Variants in GPR158 observed in about 807,000 individuals in gnomAD.
GPR158 encodes G protein-coupled receptor 158.
In GPR158, 30 loss-of-function variants were observed where a neutral mutation model predicts 78.2. The ratio of observed to expected loss-of-function variants is 0.38; its 90% CI spans 0.29 to 0.52. The LOEUF (loss-of-function observed/expected upper bound fraction) is 0.52, where lower values mean the gene tolerates loss of function less well. GPR158 is among the 20% of genes least tolerant of loss of function. The pLI is 0.83. For synonymous variants in GPR158, 581 were observed against 591.1 expected (o/e 0.98, Z 0.25); for missense variants, 1,463 against 1,523.5 (o/e 0.96, Z 0.66).
chr10:25,244,733 C>A (rs1000128680), intron 2 of GPR158: 2 of 152,112 alleles, frequency 1.3e-5, no homozygotes, highest in African/African-American at 2.4e-5. Context: ...TAAACACCAT[C>A]CTGATACATA....
rs1852888328 is a variant in GPR158, at chr10:25,199,292, T to C, written c.903-21760T>C. Among the ~76,000 whole-genome samples, 3 of 152,064 alleles carry C rather than the reference T, an allele frequency of 2.0e-5. No individual in the cohort carries two copies. In the South Asian group the frequency reaches 6.2e-4, roughly 32 times the overall value. On this transcript the variant is annotated intron_variant, in intron 1 of 10. Transcript: ENST00000376351. ...AATAAGCATAGTACCTGATAGGTAGTTTTTCATTCCTCTCCCTTCTACTCA... is the reference window on the plus strand; with the variant it reads ...AATAAGCATAGTACCTGATAGGTAGCTTTTCATTCCTCTCCCTTCTACTCA...
intron 6 of GPR158, among the ~76,000 whole-genome samples, chr10:25,559,225 T>C (rs1005724138): frequency 6.6e-6 from 1 of 152,252 alleles, no homozygotes; most frequent in African/African-American, 2.4e-5. Flanking sequence ...CCATATTCTC[T>C]GCTCTGAAAT....
At chr10:25,371,890 A>C (rs1257684452) in intron 2 of GPR158, among the ~76,000 whole-genome samples, 5 of 139,458 alleles carry the variant, frequency 3.6e-5, no homozygotes, top group Admixed American at 7.2e-5. Flanking sequence ...TCTGCACAGC[A>C]AAAGAAACTA....
intron 4 of GPR158, among the ~76,000 whole-genome samples, chr10:25,413,548 A>G (rs541620399): frequency 6.6e-6 from 1 of 152,288 alleles, no homozygotes; most frequent in South Asian, 2.1e-4. Flanking sequence ...AAAGTTTCCA[A>G]CCTTTTCCAA....
At chr10:25,307,376 G>A (rs1287628681) in intron 2 of GPR158, among the ~76,000 whole-genome samples, 8 of 76,832 alleles carry the variant, frequency 1.0e-4, no homozygotes, top group Non-Finnish European at 4.9e-5. Flanking sequence ...TATTTTAATT[G>A]CTTTTTTTTT....
chr10:25,360,240 A>T (rs1588823577), intron 2 of GPR158, among the ~76,000 whole-genome samples: 1 of 152,206 alleles, frequency 6.6e-6, no homozygotes. Flanking sequence ...TTTGCTGTGC[A>T]GTTCTTTAGT....
intron 4 of GPR158, among the ~76,000 whole-genome samples, chr10:25,430,440 G>A: frequency 6.7e-6 from 1 of 149,996 alleles, no homozygotes; most frequent in Non-Finnish European, 1.5e-5. Context: ...TACTTCCCAA[G>A]GTAATTTACA....
chr10:25,389,143 C>A (rs1834260055), intron 2 of GPR158, among the ~76,000 whole-genome samples: 1 of 152,198 alleles, frequency 6.6e-6, no homozygotes, highest in Admixed American at 6.5e-5. Context: ...GGGAGGGTCC[C>A]CAGTGAAGCC....
intron 4 of GPR158, among the ~76,000 whole-genome samples, chr10:25,438,931 C>G (rs142552745): frequency 4.7e-4 from 71 of 152,218 alleles, no homozygotes; most frequent in African/African-American, 1.7e-3. Context: ...ATATGAAATT[C>G]AGATTTCAGT....
intron 2 of GPR158, among the ~76,000 whole-genome samples, chr10:25,312,742 A>G (rs1287318730): frequency 3.3e-5 from 5 of 152,140 alleles, no homozygotes; most frequent in Non-Finnish European, 7.4e-5. Flanking sequence ...AAAGCCTTAG[A>G]TTTAGTAATA....
intron 4 of GPR158, among the ~76,000 whole-genome samples, chr10:25,416,425 A>G (rs1834660951): frequency 6.6e-6 from 1 of 152,126 alleles, no homozygotes; most frequent in Non-Finnish European, 1.5e-5. Flanking sequence ...TTAGTGTGCA[A>G]ACAAAACTCA....
intron 5 of GPR158, among the ~76,000 whole-genome samples, chr10:25,475,236 C>T (rs930596762): frequency 2.0e-5 from 3 of 152,022 alleles, no homozygotes; most frequent in African/African-American, 7.2e-5. Flanking sequence ...AGACTGTGTA[C>T]TTCATGATAA....
chr10:25,369,415 A>C (rs61853585), intron 2 of GPR158, among the ~76,000 whole-genome samples: 92,384 of 142,710 alleles, frequency 0.65, 30,700 homozygotes, highest in Non-Finnish European at 0.74. Context: ...TTCTGCATCT[A>C]TTGAGATAAT....
intron 2 of GPR158, among the ~76,000 whole-genome samples, chr10:25,360,508 A>C (rs895969958): frequency 2.0e-5 from 3 of 152,064 alleles, no homozygotes; most frequent in East Asian, 1.9e-4. Flanking sequence ...TAAATAGGGA[A>C]TCCTTTCCCC....
In GPR158 at chr10:25,412,595, T is replaced by C. The variant is rs780608221; in HGVS notation, c.1335+122T>C. ...AAGCAGCAGTCTTTCTACAATATGATTGGACTAGAACATGAAAGTTATATT... is the reference window on the plus strand; with the variant it reads ...AAGCAGCAGTCTTTCTACAATATGACTGGACTAGAACATGAAAGTTATATT... On this transcript the variant is annotated intron_variant, in intron 4 of 10. Coordinates refer to ENST00000376351, the MANE Select transcript of GPR158 (RefSeq NM_020752.3). The C allele has an allele frequency of 3.8e-4, 255 of 668,886 alleles. No homozygotes were observed. The Middle Eastern group carries it at 4.5e-3, about 12-fold the overall frequency. The allele number at this position is 668,886 out of a possible 1,614,324, so 41.4% of individuals were successfully genotyped here. A position where few individuals can be genotyped will look rare whatever the true frequency, so the allele number is the denominator to read the frequency against.
intron 2 of GPR158, among the ~76,000 whole-genome samples, chr10:25,320,515 A>C (rs1050839340): frequency 6.6e-6 from 1 of 152,214 alleles, no homozygotes; most frequent in African/African-American, 2.4e-5. Context: ...TGGCCTTTCC[A>C]GTGGTATAAT....
At position 25,325,468 on chromosome 10, in the gene GPR158, TACACACAC is replaced by T. The variant is rs3054025; in HGVS notation, c.1009-70426_1009-70419del. ...ATGTATGTCTAAGTATATATATAAT[TACACACAC>T]ACACACACACACACACTACGTTTGC... On this transcript the variant is annotated intron_variant, in intron 2 of 10. Transcript: ENST00000376351. Among the ~76,000 whole-genome samples, 59 of 150,202 alleles carry T rather than the reference TACACACAC, an allele frequency of 3.9e-4. 1 individual carries two copies. The East Asian group carries it at 6.5e-3, about 17-fold the overall frequency.
At chr10:25,335,498 A>T (rs999474939) in intron 2 of GPR158, among the ~76,000 whole-genome samples, 1 of 152,010 alleles carries the variant, frequency 6.6e-6, no homozygotes, top group African/African-American at 2.4e-5. Context: ...TAGTGTATGA[A>T]AAATGTTCTT....
At chr10:25,415,435 C>T (rs907652778) in intron 4 of GPR158, among the ~76,000 whole-genome samples, 6 of 151,932 alleles carry the variant, frequency 3.9e-5, no homozygotes, top group African/African-American at 1.4e-4. Context: ...AACACATAGT[C>T]ATTAGGAAAA....
Sources: allele counts gnomAD v4.1 joint callset (sites outside exome capture counted in the v4.1 genomes callset), GRCh38; gene constraint gnomAD v4.1.1; transcripts MANE v1.5; gene names NCBI Gene and HGNC (gene_info 2026-07-23, HGNC 2026-07-21).